LARP1B: variants seen among roughly 807,000 people sequenced by gnomAD.
LARP1B encodes La ribonucleoprotein 1B.
In LARP1B, 76 loss-of-function variants were observed where a neutral mutation model predicts 114.2. The observed-to-expected ratio is 0.67, with a 90% CI of 0.55 to 0.81. The LOEUF is 0.81. LARP1B is among the 30% of genes least tolerant of loss of function. The probability of loss-of-function intolerance (pLI) is 0.00; values close to 1 mark genes in which losing one functional copy is unlikely to be tolerated. For missense variants in LARP1B, 1,014 were observed against 1,075.8 expected (o/e 0.94, Z 0.80); for synonymous variants, 345 against 348.0 (o/e 0.99, Z 0.10).
chr4:128,068,519 TAG>T (rs1763949823), intron 1 of LARP1B, among the ~76,000 whole-genome samples: 1 of 152,092 alleles, frequency 6.6e-6, no homozygotes. Context: ...AATTTAAAAA[TAG>T]AGACAGTATC....
At chr4:128,198,249 A>C (rs1216943689) in intron 15 of LARP1B, among the ~76,000 whole-genome samples, 1 of 152,166 alleles carries the variant, frequency 6.6e-6, no homozygotes, top group Non-Finnish European at 1.5e-5. Flanking sequence ...AAAAATTGTA[A>C]AAAAATGTAT....
At chr4:128,087,943 A>G (rs1774317903) in intron 5 of LARP1B, among the ~76,000 whole-genome samples, 1 of 152,046 alleles carries the variant, frequency 6.6e-6, no homozygotes, top group African/African-American at 2.4e-5. Context: ...TTAAGTTTTT[A>G]TTCTAAAAGT....
At chr4:128,189,708 TG>T (rs1260727284) in intron 15 of LARP1B, among the ~76,000 whole-genome samples, 1 of 152,174 alleles carries the variant, frequency 6.6e-6, no homozygotes, top group Non-Finnish European at 1.5e-5. Context: ...CTTTGCTTTG[TG>T]GTTACCATGA....
At chr4:128,184,452 G>A (rs1294032633) in intron 15 of LARP1B, among the ~76,000 whole-genome samples, 1 of 152,124 alleles carries the variant, frequency 6.6e-6, no homozygotes, top group Non-Finnish European at 1.5e-5. Flanking sequence ...CATAACAGTT[G>A]TACATATTTT....
intron 11 of LARP1B, chr4:128,156,215 C>T: frequency 1.3e-6 from 2 of 1,577,054 alleles, no homozygotes; most frequent in Non-Finnish European, 8.7e-7. Flanking sequence ...GGCACCCGAG[C>T]CTTACTCCCT....
chr4:128,091,310 T>TA, intron 6 of LARP1B, 37 bp from the exon 7 acceptor site: 1 of 1,565,132 alleles, frequency 6.4e-7, no homozygotes, highest in Non-Finnish European at 8.7e-7. Context: ...TTTTTTCTAA[T>TA]ATGTGATTAC....
chr4:128,098,448 C>A, intron 8 of LARP1B, 118 bp downstream of exon 8: 1 of 731,542 alleles, frequency 1.4e-6, no homozygotes, highest in South Asian at 2.3e-5. Context: ...GAGGCTCAGA[C>A]AGCATTCCAT....
At chr4:128,163,740 A>C (rs1267400554) in intron 12 of LARP1B, among the ~76,000 whole-genome samples, 1 of 152,160 alleles carries the variant, frequency 6.6e-6, no homozygotes, top group African/African-American at 2.4e-5. Context: ...TCATAAATAC[A>C]TGAGATGGGT....
intron 15 of LARP1B, among the ~76,000 whole-genome samples, chr4:128,188,414 T>C (rs541959730): frequency 6.6e-6 from 1 of 152,314 alleles, no homozygotes; most frequent in African/African-American, 2.4e-5. Flanking sequence ...GCCTAATACA[T>C]CTAGCTGAAG....
chr4:128,098,022 A>G (rs1017392790), intron 7 of LARP1B, among the ~76,000 whole-genome samples, 164 bp from the exon 8 acceptor site: 3 of 152,184 alleles, frequency 2.0e-5, no homozygotes, highest in African/African-American at 4.8e-5. Flanking sequence ...GTTTTTTGCT[A>G]TCTTATATGT....
At chr4:128,118,398 AT>A (rs536736834) in intron 10 of LARP1B, among the ~76,000 whole-genome samples, 59 of 143,454 alleles carry the variant, frequency 4.1e-4, no homozygotes, top group Non-Finnish European at 3.7e-4. Context: ...CGCCCAGCTA[AT>A]TTTTTTTTTT....
intron 1 of LARP1B, among the ~76,000 whole-genome samples, chr4:128,072,626 G>A (rs746554167): frequency 1.3e-5 from 2 of 151,560 alleles, no homozygotes; most frequent in Non-Finnish European, 2.9e-5. Flanking sequence ...GTGCAGTCTC[G>A]GCTCACTGCA....
exon 8 of LARP1B, chr4:128,222,387 C>A (rs1435498744): frequency 1.1e-5 from 5 of 456,592 alleles, no homozygotes; most frequent in Non-Finnish European, 2.2e-5. Flanking sequence ...TCATAAACAT[C>A]TAGTTCCTAA....
chr4:128,087,316 C>T lies in LARP1B; in HGVS notation c.359-3685C>T, dbSNP rs112202386. On this transcript the variant is annotated intron_variant, in intron 5 of 19. Coordinates refer to ENST00000326639, the MANE Select transcript of LARP1B (RefSeq NM_018078.4). The stretch of plus-strand genomic sequence containing the variant: ...GATGAGCATTTGTTTTTATAGTTTT[C>T]TGCTGAAATCTGATAAGTCATGTCC... Among the ~76,000 whole-genome samples, 98 of 152,250 alleles carry T rather than the reference C, an allele frequency of 6.4e-4. No homozygotes were observed. In the South Asian group the frequency reaches 7.7e-3, roughly 12 times the overall value.
chr4:128,152,558 AT>A (rs1733353782), intron 11 of LARP1B, among the ~76,000 whole-genome samples: 1 of 150,084 alleles, frequency 6.7e-6, no homozygotes, highest in Non-Finnish European at 1.5e-5. Flanking sequence ...AATGTTTTTT[AT>A]TTTTTATTTT....
At chr4:128,214,805 C>T (rs1225029240), downstream of LARP1B, among the ~76,000 whole-genome samples, 3 of 34,256 alleles carry the variant, frequency 8.8e-5, no homozygotes, top group Admixed American at 3.2e-4. Flanking sequence ...ATGATTTTGA[C>T]GAGCTGAGAG....
At chr4:128,084,852 T>G (rs368756700) in intron 5 of LARP1B, among the ~76,000 whole-genome samples, 17 of 151,924 alleles carry the variant, frequency 1.1e-4, no homozygotes, top group East Asian at 3.9e-4. Context: ...CAACATTGAT[T>G]ATTATTATTA....
chr4:128,170,712 A>G (rs975829245), intron 12 of LARP1B, among the ~76,000 whole-genome samples: 2 of 152,014 alleles, frequency 1.3e-5, no homozygotes, highest in African/African-American at 4.8e-5. Context: ...TACCCATATC[A>G]TTATATTTGA....
intron 10 of LARP1B, among the ~76,000 whole-genome samples, chr4:128,117,176 A>G (rs192552631): frequency 1.9e-4 from 28 of 150,898 alleles, no homozygotes; most frequent in Admixed American, 1.7e-3. Context: ...TGCTGGGATT[A>G]TAGGGATGAG....
Sources: gnomAD v4.1 joint callset for allele counts (sites outside exome capture counted in the v4.1 genomes callset) on GRCh38, gnomAD v4.1.1 for gene constraint, MANE v1.5 for transcripts, NCBI Gene and HGNC (gene_info 2026-07-23, HGNC 2026-07-21) for gene names.